ZNF319: variants seen among roughly 807,000 people sequenced by gnomAD.
The protein encoded by ZNF319 is zinc finger protein 319.
A neutral mutation model predicts 46.0 loss-of-function variants in ZNF319; 15 were observed. The ratio of observed to expected loss-of-function variants is 0.33; its 90% CI spans 0.22 to 0.50. ZNF319 has a LOEUF of 0.50. Ranked by LOEUF, ZNF319 falls within the 20% of genes least tolerant of loss-of-function variation. The pLI is 0.98. For missense variants in ZNF319, 635 were observed against 807.0 expected, an observed-to-expected ratio of 0.79 and a Z score of 2.58; for synonymous variants, 368 against 364.0, an observed-to-expected ratio of 1.01 and a Z score of -0.13.
chr16:57,998,780 C>G (rs899050233), intron 1 of ZNF319, among the ~76,000 whole-genome samples: 43 of 152,152 alleles, frequency 2.8e-4, no homozygotes, highest in Non-Finnish European at 6.0e-4. Flanking sequence ...CCAGGACATC[C>G]CAGCCTCCAC....
In ZNF319 at chr16:57,998,492, G is replaced by A. The variant is rs527856239; in HGVS notation, c.-227C>T. On this transcript the variant is annotated 5_prime_UTR_variant, in exon 2 of 2. Coordinates refer to ENST00000299237, the MANE Select transcript of ZNF319 (RefSeq NM_020807.3). ...TTCAAGGGAGGGTCCCAGCAGTGCC[G>A]GGGAGACTCTGCCTTCCCCAGTGAT... 21 of 549,916 alleles carry A rather than the reference G, an allele frequency of 3.8e-5. No homozygotes were observed. The highest frequency in any genetic ancestry group is 6.1e-5 in the East Asian group (2 of 32,768). The allele number at this position is 549,916 out of a possible 1,614,324, so 34.1% of individuals were successfully genotyped here.
chr16:57,998,754 G>A (rs1004542112), intron 1 of ZNF319, among the ~76,000 whole-genome samples: 1 of 151,980 alleles, frequency 6.6e-6, no homozygotes, highest in Non-Finnish European at 1.5e-5. Context: ...ACCCACCTCA[G>A]TGCCCCGCCC....
intron 1 of ZNF319, 80 bp from the exon 2 acceptor site, chr16:57,998,602 CT>C: frequency 8.0e-6 from 2 of 248,918 alleles, no homozygotes; most frequent in South Asian, 1.2e-4. Context: ...CCTGCCCGCA[CT>C]CACCACACCA....
chr16:57,996,128 A>C lies in ZNF319; in HGVS notation c.*389T>G. 2.3e-5 allele frequency: 5 copies of C among 214,498 alleles called. No homozygotes were observed. Among genetic ancestry groups the C allele is most frequent in the East Asian group, 1.1e-4 (1 of 9,488 alleles). The allele number at this position is 214,498 out of a possible 1,614,324, so 13.3% of individuals were successfully genotyped here. A position where few individuals can be genotyped will look rare whatever the true frequency, so the allele number is the denominator to read the frequency against. On this transcript the variant is annotated 3_prime_UTR_variant, in exon 2 of 2. Coordinates refer to ENST00000299237, the MANE Select transcript of ZNF319 (RefSeq NM_020807.3). ...CGCTTTCCTAACCTATGTGGCTGCTAGCTTGAAAGATATGGGAAGGTTGGG... is the reference window on the plus strand; with the variant it reads ...CGCTTTCCTAACCTATGTGGCTGCTCGCTTGAAAGATATGGGAAGGTTGGG...
chr16:57,997,967 T>C lies in ZNF319; in HGVS notation c.299A>G (p.His100Arg), dbSNP rs1236330837. Residue 100 changes from histidine to arginine, a missense_variant, in exon 2 of 2, where the codon CAT (histidine) becomes CGT (arginine). Transcript: ENST00000299237. ...SPHEHQCLAG[H>R]DRSFQCTQCL... ...CTGTGTGCACTGGAATGAGCGGTCA[T>C]GGCCCGCCAGACACTGGTGCTCATG... 10 of 1,613,546 alleles carry C rather than the reference T, an allele frequency of 6.2e-6. No homozygotes were observed. Among genetic ancestry groups the C allele is most frequent in the Non-Finnish European group, 7.6e-6 (9 of 1,180,038 alleles).
Position 57,999,636 on chromosome 16 carries a change from G to A in ZNF319, c.-401C>T, listed in dbSNP as rs1009593290. 1 of 152,278 alleles carries A rather than the reference G, an allele frequency of 6.6e-6. No individual in the cohort carries two copies. The highest frequency in any genetic ancestry group is 1.5e-5 in the Non-Finnish European group (1 of 68,070). The allele number at this position is 152,278 out of a possible 1,614,324, so 9.4% of individuals were successfully genotyped here. ...TCCTGAGCAGAGGAAGAAGGAAGGA[G>A]AAGCCTTCACAGGACAGTCTGGCCT... On this transcript the variant is annotated 5_prime_UTR_variant, in exon 1 of 2. Coordinates refer to ENST00000299237, the MANE Select transcript of ZNF319 (RefSeq NM_020807.3).
chr16:57,998,451 C>T lies in ZNF319; in HGVS notation c.-186G>A, dbSNP rs1393283762. On this transcript the variant is annotated 5_prime_UTR_variant, in exon 2 of 2. Transcript: ENST00000299237. ...CGGACAGACTACAAGGCTCTGCCTA[C>T]AGGACATGGGGGCTCTTCAAGGGAG... 1.1e-6 allele frequency: 1 copy of T among 924,398 alleles called. No homozygotes were observed. The allele number at this position is 924,398 out of a possible 1,614,324, so 57.3% of individuals were successfully genotyped here.
chr16:57,996,197 TC>T lies in ZNF319; in HGVS notation c.*319del. 1 of 384,110 alleles carries T rather than the reference TC, an allele frequency of 2.6e-6. No homozygotes were observed. The highest frequency in any genetic ancestry group is 2.1e-5 in the African/African-American group (1 of 48,212). 23.8% of individuals were successfully genotyped at this position (384,110 alleles called of 1,614,324 possible). A position where few individuals can be genotyped will look rare whatever the true frequency, so the allele number is the denominator to read the frequency against. On this transcript the variant is annotated 3_prime_UTR_variant, in exon 2 of 2. Transcript: ENST00000299237. ...TAGGGCAGGGAGAAGCCACTTGACT[TC>T]CAGCCTGGCTCCAGTGCCCCGGAAA...
chr16:57,997,288 C>A lies in ZNF319; in HGVS notation c.978G>T (p.Arg326=). The A allele has an allele frequency of 6.2e-7, 1 of 1,610,916 alleles. No homozygotes were observed. Among genetic ancestry groups the A allele is most frequent in the Non-Finnish European group, 8.5e-7 (1 of 1,179,842 alleles). ...RCGECQKAFK[R]PSDLRQHERT... is the part of the protein sequence containing the mutation. ...GCTCATGCTGCCGCAGGTCCGAGGG[C>A]CGCTTGAAGGCCTTCTGGCACTCGC... The change falls in exon 2 of 2, where the codon CGG becomes CGT. Residue 326 remains arginine (R), a synonymous_variant. Transcript: ENST00000299237.
At position 57,997,336 on chromosome 16, in the gene ZNF319, A is replaced by G; in HGVS notation, c.930T>C (p.Ser310=). ...CGCCGCAGCGGAAGGGCCGCTCCCC[A>G]CTTGGCGTGCACGGGTGCTGCAGCA... ...SELLQHPCTP[S]GERPFRCGEC... The change falls in exon 2 of 2, where the codon AGT becomes AGC. Residue 310 remains serine (S), a synonymous_variant. Coordinates refer to ENST00000299237, the MANE Select transcript of ZNF319 (RefSeq NM_020807.3). The G allele has an allele frequency of 6.2e-7, 1 of 1,611,550 alleles. No individual in the cohort carries two copies. Among genetic ancestry groups the G allele is most frequent in the Non-Finnish European group, 8.5e-7 (1 of 1,179,828 alleles).
At chr16:57,999,332 G>T (rs1364347756) in intron 1 of ZNF319, among the ~76,000 whole-genome samples, 161 bp downstream of exon 1, 1 of 151,938 alleles carries the variant, frequency 6.6e-6, no homozygotes, top group Admixed American at 6.5e-5. Flanking sequence ...GTAAGAAACT[G>T]CCCTGGTCTG....
Position 57,996,665 on chromosome 16 carries a change from C to A in ZNF319, c.1601G>T (p.Gly534Val), listed in dbSNP as rs1963021358. Residue 534 changes from glycine to valine, a missense_variant, in exon 2 of 2, where the codon GGC becomes GTC. Physicochemically the swap from Gly to Val is moderately radical, Grantham distance 109. Around this residue, in one of 3 missense-constraint regions of ZNF319, gnomAD observed 270 missense variants for 281.4 expected, o/e 0.96. Coordinates refer to ENST00000299237, the MANE Select transcript of ZNF319 (RefSeq NM_020807.3). Reference protein sequence around the residue: ...KQREHLNKHQGVHAREQQFKC... With the variant: ...KQREHLNKHQVVHAREQQFKC... ...GAACTGCTGCTCGCGGGCGTGCACG[C>A]CCTGGTGCTTGTTGAGATGCTCCCG... 1 of 1,613,124 alleles carries A rather than the reference C, an allele frequency of 6.2e-7. No individual in the cohort carries two copies. The highest frequency in any genetic ancestry group is 8.5e-7 in the Non-Finnish European group (1 of 1,179,984).
chr16:57,999,449 T>C (rs904436047), intron 1 of ZNF319, 44 bp downstream of exon 1: 2 of 152,234 alleles, frequency 1.3e-5, no homozygotes, highest in African/African-American at 4.8e-5. Flanking sequence ...TGGGTAATTG[T>C]TGGAAGGTAA....
rs1306372786 is a variant in ZNF319 at position 58,000,647 on chromosome 16, G to A, written c.-1412C>T. The stretch of plus-strand genomic sequence containing the variant: ...AGGAGCGCCGGGAGGGCGGGCGGAC[G>A]GACCGATGGCCTTGCGGAGACGGGC... On this transcript the variant is annotated 5_prime_UTR_variant, in exon 1 of 2. Transcript: ENST00000299237. The surrounding 1 kb of genome is among the most constrained non-coding windows in gnomAD (Gnocchi z 4.5). 2.7e-5 allele frequency among the ~76,000 whole-genome samples: 4 copies of A among 149,552 alleles called. No individual in the cohort carries two copies. The East Asian group carries it at 7.8e-4, about 29-fold the overall frequency.
In ZNF319 at chr16:57,996,576, G is replaced by A. The variant is rs1467200759; in HGVS notation, c.1690C>T (p.His564Tyr). ...TCCGCTGCCGCGGCGGCGGCACTGT[G>A]CTGCGCGCTGTGCTCCTGCAACAAG... ...VALLQEHSAQHSAAAAAAEGA... is the reference protein window; with the variant it reads ...VALLQEHSAQYSAAAAAAEGA... The change falls in exon 2 of 2, where the codon CAC becomes TAC. Residue 564 changes from histidine to tyrosine, a missense_variant. This residue lies in a region of ZNF319 where 270 missense variants were observed against 281.4 expected (regional missense o/e 0.96). Coordinates refer to ENST00000299237, the MANE Select transcript of ZNF319 (RefSeq NM_020807.3). The A allele has an allele frequency of 6.3e-7, 1 of 1,592,180 alleles. No individual in the cohort carries two copies.
intron 1 of ZNF319, among the ~76,000 whole-genome samples, chr16:57,999,188 G>C (rs1963096159): frequency 6.6e-6 from 1 of 151,124 alleles, no homozygotes; most frequent in Admixed American, 6.6e-5. Flanking sequence ...GAACCACCCA[G>C]GCTTGATGTC....
Position 57,996,290 on chromosome 16 carries a change from G to T in ZNF319, c.*227C>A. 1 of 748,072 alleles carries T rather than the reference G, an allele frequency of 1.3e-6. No individual in the cohort carries two copies. The highest frequency in any genetic ancestry group is 2.0e-6 in the Non-Finnish European group (1 of 502,014). 46.3% of individuals were successfully genotyped at this position (748,072 alleles called of 1,614,324 possible). A position where few individuals can be genotyped will look rare whatever the true frequency, so the allele number is the denominator to read the frequency against. Reference sequence around the variant, plus strand: ...ATGGGAAAGAGGTTTGTGGAATCAGGATGGGCCACAGCAATCTGGCCGCCC... The same window carrying T: ...ATGGGAAAGAGGTTTGTGGAATCAGTATGGGCCACAGCAATCTGGCCGCCC... On this transcript the variant is annotated 3_prime_UTR_variant, in exon 2 of 2. Coordinates refer to ENST00000299237, the MANE Select transcript of ZNF319 (RefSeq NM_020807.3).
Position 57,996,040 on chromosome 16 carries a change from C to G in ZNF319, c.*477G>C, listed in dbSNP as rs1014188776. The stretch of plus-strand genomic sequence containing the variant: ...ACGTCTTAAAGCTGGCCTTCTCCCC[C>G]ACACGGCAACTGATGCCTTACACCT... On this transcript the variant is annotated 3_prime_UTR_variant, in exon 2 of 2. Transcript: ENST00000299237. 2 of 162,910 alleles carry G rather than the reference C, an allele frequency of 1.2e-5. No individual in the cohort carries two copies. The highest frequency in any genetic ancestry group is 6.0e-5 in the Admixed American group (1 of 16,730). 10.1% of individuals were successfully genotyped at this position (162,910 alleles called of 1,614,324 possible). A position where few individuals can be genotyped will look rare whatever the true frequency, so the allele number is the denominator to read the frequency against.
chr16:57,996,260 T>TCGG lies in ZNF319; in HGVS notation c.*256_*257insCCG. On this transcript the variant is annotated 3_prime_UTR_variant, in exon 2 of 2. Coordinates refer to ENST00000299237, the MANE Select transcript of ZNF319 (RefSeq NM_020807.3). Reference sequence around the variant, plus strand: ...CTGATGGCTCTCAAGAAAGTGAATCTTGTCATGGGAAAGAGGTTTGTGGAA... The same window carrying TCGG: ...CTGATGGCTCTCAAGAAAGTGAATCTCGGTGTCATGGGAAAGAGGTTTGTGGAA... 1 of 564,764 alleles carries TCGG rather than the reference T, an allele frequency of 1.8e-6. No homozygotes were observed. The highest frequency in any genetic ancestry group is 2.8e-6 in the Non-Finnish European group (1 of 352,976). The allele number at this position is 564,764 out of a possible 1,614,324, so 35.0% of individuals were successfully genotyped here. A position where few individuals can be genotyped will look rare whatever the true frequency, so the allele number is the denominator to read the frequency against.
Sources: gnomAD v4.1 joint callset for allele counts (sites outside exome capture counted in the v4.1 genomes callset) on GRCh38, gnomAD v4.1.1 for gene constraint, gnomAD v4.1.1 regional missense constraint, Gnocchi (gnomAD v3.1) non-coding constraint, MANE v1.5 for transcripts, NCBI Gene and HGNC (gene_info 2026-07-23, HGNC 2026-07-21) for gene names.